Variants in FLNA observed in about 807,000 individuals in gnomAD.
FLNA encodes the protein filamin A.
Under a neutral mutation model 157.6 loss-of-function variants are expected in FLNA, and 7 were observed. The observed-to-expected ratio is 0.04, with a 90% CI of 0.03 to 0.08. The LOEUF (loss-of-function observed/expected upper bound fraction) is 0.08. Ranked by LOEUF, FLNA falls within the 10% of genes least tolerant of loss-of-function variation. The pLI is 1.00. For missense variants in FLNA, 1,750 were observed against 2,398.4 expected (o/e 0.73, Z 5.65); for synonymous variants, 1,103 against 1,060.8 (o/e 1.04, Z -0.77).
rs2067737636 is a variant in FLNA, at chrX:154,364,242, AC to A, written c.2136+16del. 1 of 1,206,385 alleles carries A rather than the reference AC, an allele frequency of 8.3e-7. No individual in the cohort carries two copies. Among genetic ancestry groups the A allele is most frequent in the East Asian group, 3.0e-5 (1 of 33,810 alleles). ...TGCCCACACCTGCCCTGCCCCCAAC[AC>A]CCGTGGGTGCTCTACCTGGACTTGG... On this transcript the variant is annotated intron_variant, in intron 14 of 47. Transcript: ENST00000369850.
chrX:154,373,745 C>T lies in FLNA; in HGVS notation c.-117+761G>A. On this transcript the variant is annotated intron_variant, in intron 1 of 47. Transcript: ENST00000369850. ...GCAGACTGGCAAGGTGAGAAGAGAC[C>T]TGTGCTGGCAAGTCCAGGTGCGGCA... 2.6e-5 allele frequency among the ~76,000 whole-genome samples: 3 copies of T among 113,313 alleles called. No individual in the cohort carries two copies. In the Middle Eastern group the frequency reaches 0.014, roughly 525 times the overall value.
At chrX:154,364,988 C>T (rs1287844622) in intron 11 of FLNA, 31 bp from the exon 12 acceptor site, 10 of 1,209,289 alleles carry the variant, frequency 8.3e-6, no homozygotes, top group Non-Finnish European at 8.9e-6. Flanking sequence ...CAGGGAACAC[C>T]GAGGATCACC....
chrX:154,354,587 C>T, intron 32 of FLNA, 29 bp downstream of exon 32: 5 of 1,182,214 alleles, frequency 4.2e-6, no homozygotes, highest in African/African-American at 1.7e-5. Flanking sequence ...GCTGGCTAGC[C>T]CCAGTGTCCC....
Position 154,352,368 on chromosome X carries a change from C to A in FLNA, c.6582G>T (p.Glu2194Asp). 8.3e-7 allele frequency: 1 copy of A among 1,212,091 alleles called. No individual in the cohort carries two copies. The highest frequency in any genetic ancestry group is 1.1e-6 in the Non-Finnish European group (1 of 895,572). The change falls in exon 41 of 48, where the codon GAG (glutamate) becomes GAT (aspartate). Residue 2194 changes from glutamate (E) to aspartate (D), a missense_variant. Coordinates refer to ENST00000369850, the MANE Select transcript of FLNA (RefSeq NM_001110556.2). ...KTHEAEIVEGENHTYCIRFVP... is the reference protein window; with the variant it reads ...KTHEAEIVEGDNHTYCIRFVP... ...CAAAGCGGATGCAGTAGGTGTGGTT[C>A]TCCCCTTCCACGATCTCGGCCTCAT...
intron 40 of FLNA, 37 bp downstream of exon 40, chrX:154,352,516 C>A: frequency 8.3e-7 from 1 of 1,211,307 alleles, no homozygotes. Flanking sequence ...GCTGCTTGAG[C>A]CCCAGGACCC....
chrX:154,370,201 G>A (rs1487488191), intron 2 of FLNA, among the ~76,000 whole-genome samples: 3 of 112,727 alleles, frequency 2.7e-5, no homozygotes, highest in African/African-American at 6.4e-5. Context: ...TTTGGCCCAA[G>A]ATGAAGAGAA....
chrX:154,355,345 C>G (rs1427889449), intron 30 of FLNA, among the ~76,000 whole-genome samples: 1 of 113,794 alleles, frequency 8.8e-6, no homozygotes, highest in Non-Finnish European at 1.9e-5. Flanking sequence ...AGGGCCCACT[C>G]CAGCCTAAGT....
chrX:154,365,583 C>CCAGCCAAGCTCTGAGGG, intron 9 of FLNA, 97 bp from the exon 10 acceptor site: 1 of 1,014,359 alleles, frequency 9.9e-7, no homozygotes, highest in Non-Finnish European at 1.4e-6. Context: ...GTGGGTCCCT[C>CCAGCCAAGCTCTGAGGG]AGAGCTTGGC....
At chrX:154,369,869 T>C (rs1293819889) in intron 2 of FLNA, among the ~76,000 whole-genome samples, 3 of 112,152 alleles carry the variant, frequency 2.7e-5, no homozygotes, top group African/African-American at 9.7e-5. Context: ...CAAGTCTTGG[T>C]CCCTCACTTT....
intron 2 of FLNA, among the ~76,000 whole-genome samples, chrX:154,368,559 A>T (rs781809427): frequency 1.5e-4 from 16 of 109,376 alleles, no homozygotes; most frequent in Non-Finnish European, 2.1e-4. Flanking sequence ...GCTGAGGAAG[A>T]GGAAGGTGGG....
intron 30 of FLNA, among the ~76,000 whole-genome samples, chrX:154,356,506 A>G (rs2067663972): frequency 8.9e-6 from 1 of 112,016 alleles, no homozygotes. Context: ...GCAAAACTCT[A>G]GCCACCCTCT....
At chrX:154,370,646 G>A (rs1436905473) in intron 2 of FLNA, among the ~76,000 whole-genome samples, 3 of 113,034 alleles carry the variant, frequency 2.7e-5, no homozygotes, top group Non-Finnish European at 5.6e-5. Context: ...GCGCCGGCCA[G>A]CCGGGGCGCA....
At chrX:154,357,869 G>A (rs1191561776) in intron 28 of FLNA, among the ~76,000 whole-genome samples, 4 of 112,886 alleles carry the variant, frequency 3.5e-5, no homozygotes, top group African/African-American at 1.3e-4. Context: ...CTCAGCCCCA[G>A]GGCCTGGCCA....
At chrX:154,356,798 G>A (rs1256720599) in intron 30 of FLNA, among the ~76,000 whole-genome samples, 1 of 112,681 alleles carries the variant, frequency 8.9e-6, no homozygotes, top group Admixed American at 9.3e-5. Context: ...CACCTCCCCC[G>A]GCCCGGGACG....
chrX:154,359,772 G>A lies in FLNA; in HGVS notation c.3939C>T (p.Gly1313=), dbSNP rs374178910. The A allele has an allele frequency of 2.2e-4, 263 of 1,208,999 alleles. No homozygotes were observed. Among genetic ancestry groups the A allele is most frequent in the Non-Finnish European group, 2.8e-4 (253 of 895,050 alleles). ...NLTETYVQDR[G]DGMYKVEYTP... Reference sequence around the variant, plus strand: ...TGTACTCCACTTTGTACATGCCATCGCCACGGTCCTGAACGTAGGTCTCCG... The same window carrying A: ...TGTACTCCACTTTGTACATGCCATCACCACGGTCCTGAACGTAGGTCTCCG... Residue 1313 remains glycine, a synonymous_variant, in exon 23 of 48, where the codon GGC becomes GGT. Transcript: ENST00000369850.
At position 154,364,944 on chromosome X, in the gene FLNA, T is replaced by C. The variant is rs1557178846; in HGVS notation, c.1705A>G (p.Lys569Glu). The change falls in exon 12 of 48, where the codon AAG becomes GAG. Residue 569 changes from lysine to glutamate, a missense_variant. Lys to Glu is a moderately conservative substitution (Grantham distance 56). This residue lies in a region of FLNA where 648 missense variants were observed against 805.8 expected (regional missense o/e 0.80). Coordinates refer to ENST00000369850, the MANE Select transcript of FLNA (RefSeq NM_001110556.2). The part of the protein sequence containing the change: ...QNIGRSPFEV[K>E]VGTECGNQKV... ...TGATTGCCACACTCGGTGCCCACCT[T>C]CACTTCGAAGGGACTGCAAATGCGA... 8.3e-7 allele frequency: 1 copy of C among 1,211,120 alleles called. No homozygotes were observed. Among genetic ancestry groups the C allele is most frequent in the South Asian group, 1.8e-5 (1 of 56,988 alleles).
rs782654184 is a variant in FLNA, at chrX:154,361,297, A to AC, written c.3207+10dup. On this transcript the variant is annotated intron_variant, in intron 21 of 47. Transcript: ENST00000369850. ...GGGTTCTACCCTTAGGGCCTCCCAT[A>AC]CCCCAATTACCTTGCTAGGCTTGGT... 40 of 1,205,231 alleles carry AC rather than the reference A, an allele frequency of 3.3e-5. No individual in the cohort carries two copies. The highest frequency in any genetic ancestry group is 4.5e-5 in the Non-Finnish European group (40 of 894,037).
intron 21 of FLNA, 81 bp downstream of exon 21, chrX:154,361,227 G>T: frequency 4.1e-6 from 4 of 979,867 alleles, no homozygotes; most frequent in Admixed American, 2.3e-5. Flanking sequence ...TTTAGGGCAG[G>T]TCTGGAGAAG....
Position 154,369,756 on chromosome X carries a change from G to A in FLNA, c.373+1117C>T, listed in dbSNP as rs781985159. 2.6e-3 allele frequency among the ~76,000 whole-genome samples: 293 copies of A among 111,756 alleles called. 1 individual carries two copies. The highest frequency in any genetic ancestry group is 4.5e-3 in the Non-Finnish European group (238 of 52,930). ...TGAGATGACTCAGCTTGGCTAGACT[G>A]AGGCTGGGACTTGTGGGGGTGGGCC... On this transcript the variant is annotated intron_variant, in intron 2 of 47. Transcript: ENST00000369850.
Sources: gnomAD v4.1 joint callset for allele counts (sites outside exome capture counted in the v4.1 genomes callset) on GRCh38, gnomAD v4.1.1 for gene constraint, gnomAD v4.1.1 regional missense constraint, MANE v1.5 for transcripts, NCBI Gene and HGNC (gene_info 2026-07-23, HGNC 2026-07-21) for gene names.